The following SYT17 variants were observed in gnomAD, a reference collection of about 807,000 sequenced individuals.
SYT17 encodes synaptotagmin 17, also known as synaptotagmin-17.
Under a neutral mutation model 46.7 loss-of-function variants are expected in SYT17, and 22 were observed. The ratio of observed to expected loss-of-function variants is 0.47; its 90% CI spans 0.34 to 0.67. The LOEUF is 0.67. SYT17 is among the 30% of genes least tolerant of loss of function. SYT17 has a pLI of 0.01. For missense variants in SYT17, 519 were observed against 612.8 expected, an observed-to-expected ratio of 0.85 and a Z score of 1.62; for synonymous variants, 251 against 248.4, an observed-to-expected ratio of 1.01 and a Z score of -0.10.
intron 5 of SYT17, among the ~76,000 whole-genome samples, chr16:19,221,464 A>G (rs1966314990): frequency 6.6e-6 from 1 of 152,184 alleles, no homozygotes; most frequent in Admixed American, 6.5e-5. Context: ...ATAATAATTA[A>G]CAAGTAATTA....
At chr16:19,213,008 A>T (rs1002699410) in intron 5 of SYT17, among the ~76,000 whole-genome samples, 3 of 152,188 alleles carry the variant, frequency 2.0e-5, no homozygotes, top group Non-Finnish European at 4.4e-5. Flanking sequence ...GAGGCAGTGA[A>T]TAGACTTTTC....
chr16:19,264,033 G>T (rs1969187205), intron 7 of SYT17, among the ~76,000 whole-genome samples: 1 of 152,182 alleles, frequency 6.6e-6, no homozygotes, highest in African/African-American at 2.4e-5. Context: ...ATTGGGATTA[G>T]TGCCCTTATA....
At chr16:19,266,466 C>T (rs1045160923) in intron 7 of SYT17, among the ~76,000 whole-genome samples, 5 of 152,364 alleles carry the variant, frequency 3.3e-5, no homozygotes, top group Non-Finnish European at 7.3e-5. Context: ...CTGGTTTAAT[C>T]GCTCAACTGG....
Position 19,263,468 on chromosome 16 carries a change from C to G in SYT17, c.1229-3412C>G, listed in dbSNP as rs562111761. Among the ~76,000 whole-genome samples the G allele has an allele frequency of 4.6e-5, 7 of 151,862 alleles. No homozygotes were observed. In the South Asian group the frequency reaches 8.3e-4, roughly 18 times the overall value. On this transcript the variant is annotated intron_variant, in intron 7 of 7. Coordinates refer to ENST00000355377, the MANE Select transcript of SYT17 (RefSeq NM_016524.4). ...ACCAGCCTGCCCAATGTGGCAAAACCCTGTCTCTACTAAAAATACAAAAAT... is the reference window on the plus strand; with the variant it reads ...ACCAGCCTGCCCAATGTGGCAAAACGCTGTCTCTACTAAAAATACAAAAAT...
chr16:19,195,514 A>G (rs8049959), intron 5 of SYT17, among the ~76,000 whole-genome samples: 104,041 of 151,648 alleles, frequency 0.69, 36,179 homozygotes, highest in African/African-American at 0.77. Flanking sequence ...TCAGGAGTTC[A>G]AGACCAGCCT....
At chr16:19,209,035 T>C (rs1041111184) in intron 5 of SYT17, among the ~76,000 whole-genome samples, 1 of 151,764 alleles carries the variant, frequency 6.6e-6, no homozygotes, top group Non-Finnish European at 1.5e-5. Flanking sequence ...ACCTGCCTAA[T>C]TTTTTGTATT....
At chr16:19,208,416 G>A (rs1407926105) in intron 5 of SYT17, among the ~76,000 whole-genome samples, 1 of 152,152 alleles carries the variant, frequency 6.6e-6, no homozygotes, top group African/African-American at 2.4e-5. Flanking sequence ...TTACAATCAT[G>A]GTGGAAGGTG....
At chr16:19,257,094 G>T (rs150136978) in intron 7 of SYT17, among the ~76,000 whole-genome samples, 2 of 152,064 alleles carry the variant, frequency 1.3e-5, no homozygotes, top group Non-Finnish European at 2.9e-5. Flanking sequence ...TTCTCAGTTC[G>T]TAGTACACAG....
intron 7 of SYT17, among the ~76,000 whole-genome samples, chr16:19,256,852 A>G (rs1476562262): frequency 6.6e-6 from 1 of 152,152 alleles, no homozygotes; most frequent in African/African-American, 2.4e-5. Flanking sequence ...TGCTGGGATT[A>G]CAGGCATAAG....
chr16:19,181,900 G>A (rs1186617225), intron 4 of SYT17, among the ~76,000 whole-genome samples: 1 of 151,726 alleles, frequency 6.6e-6, no homozygotes, highest in Non-Finnish European at 1.5e-5. Flanking sequence ...CTGGGAGGCT[G>A]AGGCAGGAGA....
chr16:19,215,947 CT>C (rs775807442), intron 5 of SYT17, among the ~76,000 whole-genome samples: 5 of 152,080 alleles, frequency 3.3e-5, no homozygotes, highest in Non-Finnish European at 5.9e-5. Context: ...GGAAACTCCT[CT>C]TTTTAAGACC....
chr16:19,264,596 C>CTTT (rs58368073), intron 7 of SYT17, among the ~76,000 whole-genome samples: 73,830 of 145,232 alleles, frequency 0.51, 19,702 homozygotes, highest in East Asian at 0.96. Context: ...TTTCCCCCAC[C>CTTT]TTTTTTTTTT....
At chr16:19,244,446 G>A (rs966970857) in intron 7 of SYT17, among the ~76,000 whole-genome samples, 6 of 151,960 alleles carry the variant, frequency 3.9e-5, no homozygotes, top group Admixed American at 6.6e-5. Flanking sequence ...TGATCCTCCC[G>A]CCTCTGTGTC....
intron 7 of SYT17, among the ~76,000 whole-genome samples, chr16:19,263,037 CT>C (rs11376928): frequency 0.035 from 5,150 of 145,604 alleles, 238 homozygotes; most frequent in African/African-American, 0.12. Flanking sequence ...GTCAGATAAT[CT>C]TTTTTTTTTT....
At chr16:19,179,624 G>A (rs1031605548) in intron 3 of SYT17, among the ~76,000 whole-genome samples, 1 of 152,304 alleles carries the variant, frequency 6.6e-6, no homozygotes, top group African/African-American at 2.4e-5. Flanking sequence ...TATAATGTGG[G>A]TACTGTCAAT....
At chr16:19,256,507 C>G (rs1968581144) in intron 7 of SYT17, among the ~76,000 whole-genome samples, 1 of 150,724 alleles carries the variant, frequency 6.6e-6, no homozygotes, top group Non-Finnish European at 1.5e-5. Flanking sequence ...ATTACCCAAT[C>G]TGGCCCTTAT....
At chr16:19,173,629 T>A in intron 3 of SYT17, 51 bp downstream of exon 3, 1 of 1,590,974 alleles carries the variant, frequency 6.3e-7, no homozygotes, top group Non-Finnish European at 8.6e-7. Context: ...AGACTTTTCC[T>A]TTTTAATGAG....
intron 4 of SYT17, among the ~76,000 whole-genome samples, chr16:19,182,015 A>G (rs1336209383): frequency 6.6e-5 from 10 of 151,786 alleles, no homozygotes; most frequent in South Asian, 2.1e-4. Context: ...AAAAAAAAAA[A>G]AGAGAGAGAG....
intron 5 of SYT17, among the ~76,000 whole-genome samples, chr16:19,200,827 G>T (rs983604141): frequency 2.0e-5 from 3 of 152,210 alleles, no homozygotes; most frequent in Admixed American, 2.0e-4. Context: ...GAGATTGAGG[G>T]TTTAGTTTCA....
Sources: allele counts gnomAD v4.1 joint callset (sites outside exome capture counted in the v4.1 genomes callset), GRCh38; gene constraint gnomAD v4.1.1; transcripts MANE v1.5; gene names NCBI Gene and HGNC (gene_info 2026-07-23, HGNC 2026-07-21).